The following ZMAT4 variants were observed in gnomAD, a reference collection of about 807,000 sequenced individuals.
The protein encoded by ZMAT4 is zinc finger matrin-type protein 4.
In ZMAT4, 17 loss-of-function variants were observed where a neutral mutation model predicts 28.7. The observed-to-expected ratio is 0.59, with a 90% CI of 0.41 to 0.89. ZMAT4 has a LOEUF of 0.89. Ranked by LOEUF, ZMAT4 falls within the 40% of genes least tolerant of loss-of-function variation. The pLI, the probability that ZMAT4 is intolerant of heterozygous loss-of-function variation, is 0.00. For synonymous variants in ZMAT4, 117 were observed against 109.2 expected, an observed-to-expected ratio of 1.07 and a Z score of -0.44; for missense variants, 240 against 283.8, an observed-to-expected ratio of 0.85 and a Z score of 1.11.
chr8:40,733,992 T>A (rs2150528619), intron 3 of ZMAT4, among the ~76,000 whole-genome samples: 1 of 152,262 alleles, frequency 6.6e-6, no homozygotes, highest in South Asian at 2.1e-4. Flanking sequence ...GAGACACTAT[T>A]TCCAGCAAGA....
intron 1 of ZMAT4, among the ~76,000 whole-genome samples, chr8:40,888,741 C>T (rs16890065): frequency 0.13 from 20,191 of 152,256 alleles, 1,560 homozygotes; most frequent in African/African-American, 0.2. Flanking sequence ...TTAACAAATG[C>T]GACACTCCAT....
chr8:40,558,015 A>G (rs143044725), intron 6 of ZMAT4, among the ~76,000 whole-genome samples: 1 of 152,178 alleles, frequency 6.6e-6, no homozygotes, highest in East Asian at 1.9e-4. Flanking sequence ...GGGGCTAGTC[A>G]TGTGATGACT....
intron 1 of ZMAT4, among the ~76,000 whole-genome samples, chr8:40,850,551 A>G (rs571351656): frequency 1.3e-5 from 2 of 152,260 alleles, no homozygotes; most frequent in Admixed American, 6.5e-5. Flanking sequence ...GATCTCTTCT[A>G]TCTTATGGAT....
chr8:40,705,919 A>AT lies in ZMAT4; in HGVS notation c.193-8519dup, dbSNP rs1302484276. Among the ~76,000 whole-genome samples, 3 of 152,242 alleles carry AT rather than the reference A, an allele frequency of 2.0e-5. No individual in the cohort carries two copies. In the East Asian group the frequency reaches 5.8e-4, roughly 29 times the overall value. On this transcript the variant is annotated intron_variant, in intron 3 of 6. Coordinates refer to ENST00000297737, the MANE Select transcript of ZMAT4 (RefSeq NM_024645.3). ...ATACTAACACTTCCAAATCAAGTGT[A>AT]TATTTCACACTGATAGCACATCTCA... is the stretch of plus-strand genomic sequence containing the variant.
chr8:40,679,662 C>T (rs1809068878), intron 4 of ZMAT4, among the ~76,000 whole-genome samples: 1 of 152,146 alleles, frequency 6.6e-6, no homozygotes, highest in Admixed American at 6.5e-5. Flanking sequence ...CCCCCTCCCA[C>T]GACAAATGGA....
chr8:40,669,020 A>T (rs564129256), intron 5 of ZMAT4, among the ~76,000 whole-genome samples: 1 of 152,102 alleles, frequency 6.6e-6, no homozygotes, highest in Non-Finnish European at 1.5e-5. Flanking sequence ...CAGGAACTTT[A>T]AGGCTCATTA....
At chr8:40,875,224 C>T (rs531225321) in intron 1 of ZMAT4, among the ~76,000 whole-genome samples, 24 of 152,300 alleles carry the variant, frequency 1.6e-4, no homozygotes, top group African/African-American at 3.6e-4. Flanking sequence ...TGAGTCCCTG[C>T]CCACGTGTCC....
At chr8:40,739,886 A>C (rs1404422994) in intron 3 of ZMAT4, among the ~76,000 whole-genome samples, 1 of 152,160 alleles carries the variant, frequency 6.6e-6, no homozygotes, top group African/African-American at 2.4e-5. Context: ...ATGAGTGAGA[A>C]CATGCGGTGT....
chr8:40,605,923 A>G lies in ZMAT4; in HGVS notation c.578-24662T>C, dbSNP rs116833973. Among the ~76,000 whole-genome samples the G allele has an allele frequency of 8.7e-3, 1,325 of 152,250 alleles. 17 individuals are homozygous for G. The highest frequency in any genetic ancestry group is 0.03 in the African/African-American group (1,251 of 41,550). On this transcript the variant is annotated intron_variant, in intron 5 of 6. Coordinates refer to ENST00000297737, the MANE Select transcript of ZMAT4 (RefSeq NM_024645.3). Reference sequence around the variant, plus strand: ...TGGACTAGTACTTTTATCATTATACAATGTCCCTCTTTGTCTTTTTAAACT... The same window carrying G: ...TGGACTAGTACTTTTATCATTATACGATGTCCCTCTTTGTCTTTTTAAACT...
intron 1 of ZMAT4, among the ~76,000 whole-genome samples, chr8:40,828,499 C>A (rs1047254566): frequency 2.0e-5 from 3 of 151,780 alleles, no homozygotes; most frequent in Non-Finnish European, 4.4e-5. Flanking sequence ...GTCTGAGTCT[C>A]GGTAAAGCAG....
At chr8:40,605,254 C>G (rs544333234) in intron 5 of ZMAT4, among the ~76,000 whole-genome samples, 8 of 152,002 alleles carry the variant, frequency 5.3e-5, no homozygotes, top group Non-Finnish European at 1.2e-4. Flanking sequence ...TTCTCTAGTT[C>G]CTTGAGGTGT....
intron 6 of ZMAT4, among the ~76,000 whole-genome samples, chr8:40,536,092 C>T (rs1016717866): frequency 6.6e-6 from 1 of 152,018 alleles, no homozygotes; most frequent in African/African-American, 2.4e-5. Flanking sequence ...CACTTTGGGC[C>T]CATAAATTAA....
intron 2 of ZMAT4, among the ~76,000 whole-genome samples, chr8:40,819,547 C>T (rs545198905): frequency 3.0e-4 from 45 of 152,166 alleles, no homozygotes; most frequent in Middle Eastern, 6.8e-3. Context: ...GGGGGGAGCA[C>T]GGGAGGTATG....
At chr8:40,601,450 A>AAGGAAGGG (rs1200138971) in intron 5 of ZMAT4, among the ~76,000 whole-genome samples, 1 of 87,736 alleles carries the variant, frequency 1.1e-5, no homozygotes, top group Non-Finnish European at 2.4e-5. Context: ...GGAAGGAAGG[A>AAGGAAGGG]AGGAAGGGAG....
chr8:40,832,659 G>A (rs1816329193), intron 1 of ZMAT4, among the ~76,000 whole-genome samples: 1 of 152,102 alleles, frequency 6.6e-6, no homozygotes, highest in South Asian at 2.1e-4. Context: ...CTTCAATTTT[G>A]ACAAACTCCA....
At chr8:40,670,474 GA>G (rs1025951133) in intron 5 of ZMAT4, among the ~76,000 whole-genome samples, 3 of 152,068 alleles carry the variant, frequency 2.0e-5, no homozygotes, top group East Asian at 1.9e-4. Context: ...TACAGGCAAA[GA>G]TTTTTTTAGG....
chr8:40,598,335 A>C (rs958399806), intron 5 of ZMAT4, among the ~76,000 whole-genome samples: 1 of 152,086 alleles, frequency 6.6e-6, no homozygotes, highest in Non-Finnish European at 1.5e-5. Flanking sequence ...CATGCATTAG[A>C]TATTTGTCCT....
intron 5 of ZMAT4, among the ~76,000 whole-genome samples, chr8:40,639,111 G>A (rs1806908052): frequency 6.6e-6 from 1 of 152,228 alleles, no homozygotes; most frequent in African/African-American, 2.4e-5. Flanking sequence ...ACCTGGCAAT[G>A]GGAGGGACAT....
At chr8:40,851,978 C>G (rs1459307341) in intron 1 of ZMAT4, among the ~76,000 whole-genome samples, 1 of 152,130 alleles carries the variant, frequency 6.6e-6, no homozygotes, top group Non-Finnish European at 1.5e-5. Context: ...CTCACTGCAG[C>G]CTCCGCCTCC....
Sources: allele counts gnomAD v4.1 joint callset (sites outside exome capture counted in the v4.1 genomes callset), GRCh38; gene constraint gnomAD v4.1.1; transcripts MANE v1.5; gene names NCBI Gene and HGNC (gene_info 2026-07-23, HGNC 2026-07-21).